The following ZFAT variants were observed in gnomAD, a reference collection of about 807,000 sequenced individuals.
ZFAT encodes zinc finger protein ZFAT.
Under a neutral mutation model 117.7 loss-of-function variants are expected in ZFAT, and 64 were observed. The ratio of observed to expected loss-of-function variants is 0.54; its 90% CI spans 0.44 to 0.67. ZFAT has a LOEUF of 0.67. Among genes scored for constraint, ZFAT ranks in the 30% least tolerant of loss-of-function variants. ZFAT has a pLI of 0.00. For synonymous variants in ZFAT, 679 were observed against 615.0 expected (o/e 1.10, Z -1.54); for missense variants, 1,433 against 1,584.5 (o/e 0.90, Z 1.62).
the ZFAT span, among the ~76,000 whole-genome samples, chr8:134,731,922 T>C: frequency 6.6e-6 from 1 of 152,142 alleles, no homozygotes; most frequent in Non-Finnish European, 1.5e-5. Flanking sequence ...AGAGAAGGCA[T>C]TATTATGCTT....
chr8:134,653,288 A>C (rs1479751376), intron 2 of ZFAT, among the ~76,000 whole-genome samples: 2 of 116,482 alleles, frequency 1.7e-5, no homozygotes, highest in Non-Finnish European at 3.6e-5. Context: ...AAAAAAAAAA[A>C]AAACAAAAAA....
Position 134,602,245 on chromosome 8 carries a change from T to A in ZFAT, c.1474A>T (p.Ser492Cys), listed in dbSNP as rs753023302. ...AGGCAGAAGCTCTGGTTGATGGAAC[T>A]GGTGAAGACCAAGGCCTCCTGGGCA... ...GAAQEALVFT[S>C]SINQSFCLLE... Residue 492 changes from serine to cysteine, a missense_variant, in exon 6 of 16, where the codon AGT becomes TGT. This residue lies in a region of ZFAT where 372 missense variants were observed against 355.6 expected (regional missense o/e 1.05). Transcript: ENST00000377838. 6.2e-7 allele frequency: 1 copy of A among 1,613,738 alleles called. No individual in the cohort carries two copies. The highest frequency in any genetic ancestry group is 8.5e-7 in the Non-Finnish European group (1 of 1,180,026).
chr8:134,660,981 G>C (rs570260524), intron 1 of ZFAT, among the ~76,000 whole-genome samples: 2 of 152,354 alleles, frequency 1.3e-5, no homozygotes, highest in Admixed American at 1.3e-4. Context: ...CTCTCAGGCA[G>C]GGAAACTGGA....
chr8:134,525,345 C>A (rs1367121458), intron 12 of ZFAT, among the ~76,000 whole-genome samples: 1 of 152,174 alleles, frequency 6.6e-6, no homozygotes, highest in African/African-American at 2.4e-5. Context: ...GCTGAACAAA[C>A]CACTAAGATG....
At position 134,494,053 on chromosome 8, in the gene ZFAT, C is replaced by T. The variant is rs149143198; in HGVS notation, c.3493-15332G>A. On this transcript the variant is annotated intron_variant, in intron 15 of 15. Transcript: ENST00000377838. ...CTTTCTTCCCCTTTAAGTGCACATA[C>T]ACTGAATCTCTATTTGATTTAGTGC... Among the ~76,000 whole-genome samples the T allele has an allele frequency of 4.3e-3, 651 of 152,282 alleles. 5 individuals are homozygous for T. The highest frequency in any genetic ancestry group is 0.015 in the African/African-American group (613 of 41,554).
At chr8:134,515,680 A>C (rs1820204194) in intron 13 of ZFAT, among the ~76,000 whole-genome samples, 1 of 152,044 alleles carries the variant, frequency 6.6e-6, no homozygotes, top group African/African-American at 2.4e-5. Context: ...AAATTTGTTT[A>C]AGTTCCTTGT....
At position 134,602,650 on chromosome 8, in the gene ZFAT, G is replaced by A. The variant is rs143158019; in HGVS notation, c.1069C>T (p.Arg357Cys). 2.1e-4 allele frequency: 344 copies of A among 1,614,176 alleles called. No individual in the cohort carries two copies. The highest frequency in any genetic ancestry group is 4.9e-4 in the Middle Eastern group (3 of 6,062). ...TCAGAGTACTTCTTCTTGCAGAAGC[G>A]GCAGTGCTGCTTGATCTTCTTGTGC... is the stretch of plus-strand genomic sequence containing the variant. ...RVHKKIKQHC[R>C]FCKKKYSDVK... The change falls in exon 6 of 16, where the codon CGC becomes TGC. Residue 357 changes from arginine to cysteine, a missense_variant. Arg to Cys is a radical substitution (Grantham distance 180). Around this residue, in one of 5 missense-constraint regions of ZFAT, gnomAD observed 436 missense variants for 482.0 expected, o/e 0.90. Transcript: ENST00000377838.
chr8:134,608,828 G>C lies in ZFAT; in HGVS notation c.686C>G (p.Thr229Arg). The change falls in exon 5 of 16, where the codon ACA becomes AGA. Residue 229 changes from threonine to arginine, a missense_variant. By Grantham distance (71) the Thr-to-Arg change is moderately conservative. Around this residue, in one of 5 missense-constraint regions of ZFAT, gnomAD observed 436 missense variants for 482.0 expected, o/e 0.90. Coordinates refer to ENST00000377838, the MANE Select transcript of ZFAT (RefSeq NM_020863.4). ...VEAGPPETGA[T>R]NSETTSADLV... is the part of the protein sequence containing the mutation. ...GTCTGCTGAAGTGGTCTCAGAATTT[G>C]TAGCTCCTGTTTCAGGGGGCCCAGC... 1 of 1,609,812 alleles carries C rather than the reference G, an allele frequency of 6.2e-7. No individual in the cohort carries two copies. Among genetic ancestry groups the C allele is most frequent in the Non-Finnish European group, 8.5e-7 (1 of 1,178,318 alleles).
chr8:134,481,181 T>C (rs1353409365), intron 15 of ZFAT, among the ~76,000 whole-genome samples: 1 of 152,206 alleles, frequency 6.6e-6, no homozygotes, highest in East Asian at 1.9e-4. Context: ...TAAATATTAA[T>C]TTATTTCACT....
chr8:134,736,649 G>C, the ZFAT span, among the ~76,000 whole-genome samples: 2 of 152,064 alleles, frequency 1.3e-5, no homozygotes, highest in Admixed American at 6.6e-5. Flanking sequence ...AGTATGGAGT[G>C]CAGTGGTGCA....
At chr8:134,730,240 A>C in the ZFAT span, among the ~76,000 whole-genome samples, 117,494 of 152,216 alleles carry the variant, frequency 0.77, 46,078 homozygotes, top group Non-Finnish European at 0.85. Context: ...CCCCAGTGAC[A>C]AGGCAAAGGC....
chr8:134,610,875 C>T (rs930822020), intron 3 of ZFAT, among the ~76,000 whole-genome samples: 1 of 152,212 alleles, frequency 6.6e-6, no homozygotes, highest in Non-Finnish European at 1.5e-5. Flanking sequence ...ATCACCTAGG[C>T]CCTGGGCGTA....
chr8:134,759,979 A>AAC, the ZFAT span, among the ~76,000 whole-genome samples: 9 of 149,260 alleles, frequency 6.0e-5, no homozygotes, highest in Non-Finnish European at 8.9e-5. Context: ...TCAAAAAAAA[A>AAC]AAAAAAAAAA....
upstream of ZFAT, among the ~76,000 whole-genome samples, chr8:134,716,186 T>C (rs981030634): frequency 8.0e-5 from 12 of 150,188 alleles, no homozygotes; most frequent in Non-Finnish European, 1.3e-4. Context: ...CACACACATA[T>C]ATATATATAT....
intron 3 of ZFAT, among the ~76,000 whole-genome samples, chr8:134,615,529 C>T (rs1451646800): frequency 6.6e-6 from 1 of 152,118 alleles, no homozygotes; most frequent in African/African-American, 2.4e-5. Flanking sequence ...CTACCTAGAG[C>T]AGGGACCCCA....
intron 1 of ZFAT, among the ~76,000 whole-genome samples, chr8:134,683,866 T>C (rs1411569514): frequency 1.3e-5 from 2 of 152,014 alleles, no homozygotes; most frequent in Non-Finnish European, 2.9e-5. Context: ...AATATTGAAT[T>C]TGTAGTTGGA....
intron 11 of ZFAT, among the ~76,000 whole-genome samples, chr8:134,564,457 G>C (rs1824280485): frequency 6.6e-6 from 1 of 152,172 alleles, no homozygotes; most frequent in South Asian, 2.1e-4. Flanking sequence ...CCCTATATCA[G>C]GACAGTTTGG....
intron 3 of ZFAT, among the ~76,000 whole-genome samples, chr8:134,617,576 T>C (rs1187748927): frequency 6.6e-6 from 1 of 152,182 alleles, no homozygotes; most frequent in African/African-American, 2.4e-5. Context: ...GATGGGATGG[T>C]AGAAGGTCAT....
chr8:134,749,696 T>A, the ZFAT span, among the ~76,000 whole-genome samples: 1 of 152,214 alleles, frequency 6.6e-6, no homozygotes, highest in Admixed American at 6.5e-5. Context: ...ATGTTTCCAA[T>A]ATGAACAATT....
Sources: allele counts gnomAD v4.1 joint callset (sites outside exome capture counted in the v4.1 genomes callset), GRCh38; gene constraint gnomAD v4.1.1; regional missense constraint gnomAD v4.1.1; transcripts MANE v1.5; gene names NCBI Gene and HGNC (gene_info 2026-07-23, HGNC 2026-07-21).